The following NFKBIA variants were observed in gnomAD, a reference collection of about 807,000 sequenced individuals.
NFKBIA encodes the protein NFKB inhibitor alpha, also known as NF-kappa-B inhibitor alpha.
In NFKBIA, 10 loss-of-function variants were observed where a neutral mutation model predicts 36.3. The ratio of observed to expected loss-of-function variants is 0.28; its 90% CI spans 0.17 to 0.47. NFKBIA has a LOEUF of 0.47. Among genes scored for constraint, NFKBIA ranks in the 20% least tolerant of loss-of-function variants. The probability of loss-of-function intolerance (pLI) is 0.99; values close to 1 mark genes in which losing one functional copy is unlikely to be tolerated. For missense variants in NFKBIA, 355 were observed against 399.3 expected (o/e 0.89, Z 0.94); for synonymous variants, 205 against 164.4 (o/e 1.25, Z -1.89).
At position 35,401,940 on chromosome 14, in the gene NFKBIA, T is replaced by C; in HGVS notation, c.*73A>G. 3 of 1,572,534 alleles carry C rather than the reference T, an allele frequency of 1.9e-6. No individual in the cohort carries two copies. Among genetic ancestry groups the C allele is most frequent in the Non-Finnish European group, 2.6e-6 (3 of 1,146,004 alleles). On this transcript the variant is annotated 3_prime_UTR_variant, in exon 6 of 6. Coordinates refer to ENST00000216797, the MANE Select transcript of NFKBIA (RefSeq NM_020529.3). ...CACCCTTTAAATTTTTTCTTCTTTT[T>C]TCTTTTTTTAGAAAAATAAAACTTT...
chr14:35,404,201 G>C (rs947957036), intron 1 of NFKBIA: 262 of 321,964 alleles, frequency 8.1e-4, no homozygotes, highest in Non-Finnish European at 1.3e-3. Flanking sequence ...CCATCCACCA[G>C]GGCCCAGCCG....
Position 35,401,942 on chromosome 14 carries a change from C to A in NFKBIA, c.*71G>T. 1.3e-6 allele frequency: 2 copies of A among 1,572,636 alleles called. No individual in the cohort carries two copies. The highest frequency in any genetic ancestry group is 2.1e-4 in the Middle Eastern group (1 of 4,832). On this transcript the variant is annotated 3_prime_UTR_variant, in exon 6 of 6. Transcript: ENST00000216797. ...CCCTTTAAATTTTTTCTTCTTTTTT[C>A]TTTTTTTAGAAAAATAAAACTTTTT...
intron 2 of NFKBIA, 142 bp from the exon 3 acceptor site, chr14:35,403,502 G>T: frequency 2.0e-6 from 2 of 981,290 alleles, no homozygotes; most frequent in Non-Finnish European, 3.2e-6. Context: ...AGAGGCTCCA[G>T]GTGGGTCATA....
chr14:35,402,934 A>C, intron 3 of NFKBIA, 75 bp from the exon 4 acceptor site: 1 of 1,439,244 alleles, frequency 6.9e-7, no homozygotes, highest in Non-Finnish European at 9.7e-7. Flanking sequence ...TTTATGGAAC[A>C]AGTAGTCTTA....
intron 1 of NFKBIA, 137 bp from the exon 2 acceptor site, chr14:35,403,935 T>A (rs975131858): frequency 7.1e-6 from 5 of 707,652 alleles, no homozygotes; most frequent in African/African-American, 7.0e-5. Flanking sequence ...GAGGTTATTA[T>A]GAGCTGAGTG....
rs189919599 is a variant in NFKBIA at position 35,403,067 on chromosome 14, G to A, written c.547+83C>T. ...TGTTAGGAGTTTAAGCTCTTGCCTG[G>A]ACTCCTTAAGTTGGCCCACCTGCCC... On this transcript the variant is annotated intron_variant, in intron 3 of 5. Transcript: ENST00000216797. The A allele has an allele frequency of 7.3e-5, 107 of 1,475,670 alleles. 1 individual carries two copies. In the East Asian group the frequency reaches 1.3e-3, roughly 17 times the overall value. 91.4% of individuals were successfully genotyped at this position (1,475,670 alleles called of 1,614,324 possible).
chr14:35,404,066 C>T, intron 1 of NFKBIA: 1 of 479,360 alleles, frequency 2.1e-6, no homozygotes, highest in South Asian at 2.2e-5. Context: ...CCCGGCTGCT[C>T]GGCGCCCGCC....
Position 35,403,721 on chromosome 14 carries a change from G to A in NFKBIA, c.305C>T (p.Ala102Val), listed in dbSNP as rs974784260. 4 of 1,613,902 alleles carry A rather than the reference G, an allele frequency of 2.5e-6. No individual in the cohort carries two copies. The highest frequency in any genetic ancestry group is 1.3e-5 in the African/African-American group (1 of 75,026). ...CAGGTTGTTCTGGAAGTTGAGGAAG[G>A]CCAGGTCTCCCTTCACCTGGCGGAT... ...EVIRQVKGDL[A>V]FLNFQNNLQQ... is the part of the protein sequence containing the mutation. The change falls in exon 2 of 6, where the codon GCC (alanine) becomes GTC (valine). Residue 102 changes from alanine (A) to valine (V), a missense_variant. By Grantham distance (64) the Ala-to-Val change is moderately conservative. Coordinates refer to ENST00000216797, the MANE Select transcript of NFKBIA (RefSeq NM_020529.3).
chr14:35,403,967 C>G, intron 1 of NFKBIA, 169 bp from the exon 2 acceptor site: 1 of 641,472 alleles, frequency 1.6e-6, no homozygotes, highest in Non-Finnish European at 2.8e-6. Flanking sequence ...CGCCCAGGGA[C>G]TTTCCGCCCC....
intron 3 of NFKBIA, 129 bp downstream of exon 3, chr14:35,403,021 A>T: frequency 1.6e-6 from 2 of 1,288,156 alleles, no homozygotes; most frequent in South Asian, 2.5e-5. Flanking sequence ...CTTTGCACAC[A>T]TATTTTCTCA....
intron 2 of NFKBIA, 110 bp from the exon 3 acceptor site, chr14:35,403,470 G>A: frequency 1.6e-6 from 2 of 1,239,230 alleles, no homozygotes; most frequent in Non-Finnish European, 2.3e-6. Context: ...AGACAGGGGG[G>A]TGGGGAGGGC....
intron 5 of NFKBIA, 84 bp downstream of exon 5, chr14:35,402,310 G>A (rs1317960139): frequency 1.3e-6 from 2 of 1,527,578 alleles, no homozygotes; most frequent in Non-Finnish European, 1.8e-6. Context: ...ATACCCCTCT[G>A]ATAAGGAGCA....
In NFKBIA at chr14:35,401,885, G is replaced by A; in HGVS notation, c.*128C>T. 1 of 1,043,572 alleles carries A rather than the reference G, an allele frequency of 9.6e-7. No individual in the cohort carries two copies. The highest frequency in any genetic ancestry group is 1.5e-6 in the Non-Finnish European group (1 of 684,238). The allele number at this position is 1,043,572 out of a possible 1,614,324, so 64.6% of individuals were successfully genotyped here. A position where few individuals can be genotyped will look rare whatever the true frequency, so the allele number is the denominator to read the frequency against. ...ATCCTACCACAATAAGACGTTTTGGGCCAGGCAGTGTGCAGTGTGGATATA... is the reference window on the plus strand; with the variant it reads ...ATCCTACCACAATAAGACGTTTTGGACCAGGCAGTGTGCAGTGTGGATATA... On this transcript the variant is annotated 3_prime_UTR_variant, in exon 6 of 6. Transcript: ENST00000216797.
At chr14:35,402,281 TGA>T (rs896565042) in intron 5 of NFKBIA, 111 bp downstream of exon 5, 54 of 1,362,198 alleles carry the variant, frequency 4.0e-5, no homozygotes, top group East Asian at 2.5e-4. Flanking sequence ...CACAGAAATT[TGA>T]GAGACTCATT....
intron 1 of NFKBIA, 199 bp from the exon 2 acceptor site, chr14:35,403,997 C>G (rs1038442254): frequency 7.4e-4 from 442 of 597,206 alleles, no homozygotes; most frequent in Non-Finnish European, 1.2e-3. Flanking sequence ...GCGGCCCCGG[C>G]GGGCGCCGGC....
At position 35,401,898 on chromosome 14, in the gene NFKBIA, C is replaced by T; in HGVS notation, c.*115G>A. ...AAGACGTTTTGGGCCAGGCAGTGTG[C>T]AGTGTGGATATAAGTACACCCTTTA... On this transcript the variant is annotated 3_prime_UTR_variant, in exon 6 of 6. Transcript: ENST00000216797. The T allele has an allele frequency of 5.2e-6, 6 of 1,150,964 alleles. No homozygotes were observed. Among genetic ancestry groups the T allele is most frequent in the Non-Finnish European group, 7.8e-6 (6 of 773,658 alleles). 71.3% of individuals were successfully genotyped at this position (1,150,964 alleles called of 1,614,324 possible).
chr14:35,403,893 T>C (rs1038068430), intron 1 of NFKBIA, 95 bp from the exon 2 acceptor site: 1 of 897,744 alleles, frequency 1.1e-6, no homozygotes, highest in South Asian at 1.4e-5. Flanking sequence ...AAGGCCGGGG[T>C]TTCTGGAGGC....
At chr14:35,403,586 A>T (rs2233415) in intron 2 of NFKBIA, 104 bp downstream of exon 2, 1 of 886,264 alleles carries the variant, frequency 1.1e-6, no homozygotes, top group Non-Finnish European at 1.9e-6. Flanking sequence ...AGGTGAGGGT[A>T]AATAGTGCTC....
rs2052737234 is a variant in NFKBIA, at chr14:35,402,350, T to C, written c.906+44A>G. 3.1e-6 allele frequency: 5 copies of C among 1,611,426 alleles called. No homozygotes were observed. The East Asian group carries it at 1.1e-4, about 36-fold the overall frequency. On this transcript the variant is annotated intron_variant, in intron 5 of 5. Transcript: ENST00000216797. Reference sequence around the variant, plus strand: ...TAGGGGCCTGGGAGGGTGAAGGGAATGGCACCTCATTAGTTAGAGCGCCGA... The same window carrying C: ...TAGGGGCCTGGGAGGGTGAAGGGAACGGCACCTCATTAGTTAGAGCGCCGA...
Sources: allele counts gnomAD v4.1 joint callset, GRCh38; gene constraint gnomAD v4.1.1; transcripts MANE v1.5; gene names NCBI Gene and HGNC (gene_info 2026-07-23, HGNC 2026-07-21).